SLITRK3: variants seen among roughly 807,000 people sequenced by gnomAD.
SLITRK3 encodes the protein SLIT and NTRK like family member 3, also known as SLIT and NTRK-like protein 3.
SLITRK3 carries 16 observed loss-of-function variants against 63.6 expected under a neutral mutation model. That is an observed-to-expected ratio of 0.25 (90% confidence interval 0.17 to 0.38). The LOEUF (loss-of-function observed/expected upper bound fraction) is 0.38. SLITRK3 is among the 10% of genes least tolerant of loss of function. The pLI is 1.00. For synonymous variants in SLITRK3, 547 were observed against 451.6 expected (o/e 1.21, Z -2.68); for missense variants, 1,117 against 1,181.4 (o/e 0.95, Z 0.80).
chr3:165,188,017 C>G lies in SLITRK3; in HGVS notation c.2814G>C (p.Ser938=). Residue 938 remains serine (S), a synonymous_variant, in exon 2 of 2, where the codon TCG becomes TCC. Transcript: ENST00000475390. ...DARLKETLLF[S]AGKGFTDHQT... is the part of the protein sequence containing the mutation. Reference sequence around the variant, plus strand: ...GGTGGTCTGTGAAGCCCTTTCCAGCCGAGAAGAGAAGGGTTTCTTTGAGCC... The same window carrying G: ...GGTGGTCTGTGAAGCCCTTTCCAGCGGAGAAGAGAAGGGTTTCTTTGAGCC... 6.2e-7 allele frequency: 1 copy of G among 1,613,870 alleles called. No homozygotes were observed. The highest frequency in any genetic ancestry group is 2.2e-5 in the East Asian group (1 of 44,858).
Position 165,188,885 on chromosome 3 carries a change from C to T in SLITRK3, c.1946G>A (p.Gly649Asp), listed in dbSNP as rs775428172. 2.5e-6 allele frequency: 4 copies of T among 1,614,074 alleles called. No homozygotes were observed. Among genetic ancestry groups the T allele is most frequent in the Non-Finnish European group, 3.4e-6 (4 of 1,179,996 alleles). The change falls in exon 2 of 2, where the codon GGC (glycine) becomes GAC (aspartate). Residue 649 changes from glycine to aspartate, a missense_variant. Gly to Asp is a moderately conservative substitution (Grantham distance 94). Around this residue, in one of 4 missense-constraint regions of SLITRK3, gnomAD observed 499 missense variants for 463.6 expected, o/e 1.08. Coordinates refer to ENST00000475390, the MANE Select transcript of SLITRK3 (RefSeq NM_001318810.2). Reference sequence around the variant, plus strand: ...AATTAACACAGAAAGTGGCACAGGGCCCCCAGGAGGAGAAAACTCATAAGG... The same window carrying T: ...AATTAACACAGAAAGTGGCACAGGGTCCCCAGGAGGAGAAAACTCATAAGG... ...ASPYEFSPPG[G>D]PVPLSVLILS...
Position 165,188,347 on chromosome 3 carries a change from G to A in SLITRK3, c.2484C>T (p.Asn828=), listed in dbSNP as rs775490657. Residue 828 remains asparagine (N), a synonymous_variant, in exon 2 of 2, where the codon AAC becomes AAT. Coordinates refer to ENST00000475390, the MANE Select transcript of SLITRK3 (RefSeq NM_001318810.2). ...GATGGTGATTCACCGTCACTATGGT[G>A]TTAAGCTGGGAGCTGGACACTGCTA... The part of the protein sequence containing the change: ...WALAVSSSQL[N]TIVTVNHHHP... 8.7e-6 allele frequency: 14 copies of A among 1,614,022 alleles called. No homozygotes were observed. The South Asian group carries it at 1.5e-4, about 18-fold the overall frequency.
intron 1 of SLITRK3, among the ~76,000 whole-genome samples, chr3:165,191,852 G>C (rs1473498596): frequency 6.6e-6 from 1 of 152,164 alleles, no homozygotes; most frequent in Non-Finnish European, 1.5e-5. Flanking sequence ...CTTACCTGCT[G>C]ATAAATGATC....
chr3:165,189,379 G>A lies in SLITRK3; in HGVS notation c.1452C>T (p.Tyr484=). Residue 484 remains tyrosine (Y), a synonymous_variant, in exon 2 of 2, where the codon TAC becomes TAT. Transcript: ENST00000475390. The surrounding 1 kb of genome is among the most constrained non-coding windows in gnomAD (Gnocchi z 4.0). ...GGATGACATTGAACTCAAAGTACAAGTAGTGCAAACTCTGTAGGCCTCGGA... is the reference window on the plus strand; with the variant it reads ...GGATGACATTGAACTCAAAGTACAAATAGTGCAAACTCTGTAGGCCTCGGA... ...GMFRGLQSLH[Y]LYFEFNVIRE... 6.2e-7 allele frequency: 1 copy of A among 1,614,090 alleles called. No individual in the cohort carries two copies.
At chr3:165,195,285 C>T (rs1363428513) in intron 1 of SLITRK3, among the ~76,000 whole-genome samples, 1 of 152,120 alleles carries the variant, frequency 6.6e-6, no homozygotes, top group East Asian at 1.9e-4. Context: ...ACAACACCAG[C>T]GAGCATTCCA....
At position 165,187,412 on chromosome 3, in the gene SLITRK3, T is replaced by A. The variant is rs1717993078; in HGVS notation, c.*485A>T. 6.8e-6 allele frequency: 1 copy of A among 146,358 alleles called. No homozygotes were observed. Among genetic ancestry groups the A allele is most frequent in the Non-Finnish European group, 1.5e-5 (1 of 66,640 alleles). 9.1% of individuals were successfully genotyped at this position (146,358 alleles called of 1,614,324 possible). ...GGCATGCAGCAAACTGCATTGTTAA[T>A]ACATGTACAGAATCTGTGCCATGAT... On this transcript the variant is annotated 3_prime_UTR_variant, in exon 2 of 2. Coordinates refer to ENST00000475390, the MANE Select transcript of SLITRK3 (RefSeq NM_001318810.2).
At chr3:165,193,654 G>A (rs1055556588) in intron 1 of SLITRK3, among the ~76,000 whole-genome samples, 4 of 152,040 alleles carry the variant, frequency 2.6e-5, no homozygotes, top group African/African-American at 9.7e-5. Flanking sequence ...GGATTCAACA[G>A]CATTTCTTTT....
chr3:165,196,346 G>C lies in SLITRK3; in HGVS notation c.-788C>G, dbSNP rs1268789502. On this transcript the variant is annotated 5_prime_UTR_variant, in exon 1 of 2. Coordinates refer to ENST00000475390, the MANE Select transcript of SLITRK3 (RefSeq NM_001318810.2). ...ATTTGGGAGATCTCAGGCAAAGCAC[G>C]AAGGTGAAGCGATACCGTTGGCAGA... Among the ~76,000 whole-genome samples, 3 of 150,656 alleles carry C rather than the reference G, an allele frequency of 2.0e-5. No homozygotes were observed. Among genetic ancestry groups the C allele is most frequent in the African/African-American group, 7.3e-5 (3 of 41,016 alleles).
At position 165,187,875 on chromosome 3, in the gene SLITRK3, C is replaced by A; in HGVS notation, c.*22G>T. On this transcript the variant is annotated 3_prime_UTR_variant, in exon 2 of 2. Transcript: ENST00000475390. ...CTTTTCTTTTGAAAAAAAAAAAGCACTAATATATTTTCTTCTCTCTGTTAG... is the reference window on the plus strand; with the variant it reads ...CTTTTCTTTTGAAAAAAAAAAAGCAATAATATATTTTCTTCTCTCTGTTAG... The A allele has an allele frequency of 6.6e-7, 1 of 1,521,974 alleles. No individual in the cohort carries two copies. The highest frequency in any genetic ancestry group is 8.9e-7 in the Non-Finnish European group (1 of 1,127,040). The allele number at this position is 1,521,974 out of a possible 1,614,324, so 94.3% of individuals were successfully genotyped here. A position where few individuals can be genotyped will look rare whatever the true frequency, so the allele number is the denominator to read the frequency against.
In SLITRK3 at chr3:165,190,686, A is replaced by G; in HGVS notation, c.145T>C (p.Tyr49His). The change falls in exon 2 of 2, where the codon TAC becomes CAC. Residue 49 changes from tyrosine (Y) to histidine (H), a missense_variant. Physicochemically the swap from Tyr to His is moderately conservative, Grantham distance 83 (BLOSUM62 2). This residue lies in a region of SLITRK3 where 452 missense variants were observed against 495.3 expected (regional missense o/e 0.91). Coordinates refer to ENST00000475390, the MANE Select transcript of SLITRK3 (RefSeq NM_001318810.2). ...EIDEPCFDPC[Y>H]CEVKESLFHI... is the part of the protein sequence containing the mutation. Reference sequence around the variant, plus strand: ...AAGAGGCTTTCTTTAACTTCACAGTAGCATGGATCAAAACAGGGCTCATCT... The same window carrying G: ...AAGAGGCTTTCTTTAACTTCACAGTGGCATGGATCAAAACAGGGCTCATCT... The G allele has an allele frequency of 6.2e-7, 1 of 1,614,162 alleles. No individual in the cohort carries two copies. Among genetic ancestry groups the G allele is most frequent in the Non-Finnish European group, 8.5e-7 (1 of 1,180,026 alleles).
Position 165,189,544 on chromosome 3 carries a change from C to A in SLITRK3, c.1287G>T (p.Trp429Cys). The change falls in exon 2 of 2, where the codon TGG becomes TGT. Residue 429 changes from tryptophan (W) to cysteine (C), a missense_variant. Physicochemically the swap from Trp to Cys is radical, Grantham distance 215 (BLOSUM62 -2). Transcript: ENST00000475390. This position sits in a 1 kb window ranked among gnomAD's most constrained non-coding sequence, Gnocchi z 4.0. ...LIQKIYRSDF[W>C]NFSSLDLLHL... ...GCAAGAGATCCAAGGAAGAAAAATT[C>A]CAAAAATCAGAACGGTATATTTTCT... 1.9e-6 allele frequency: 3 copies of A among 1,613,942 alleles called. No individual in the cohort carries two copies. The highest frequency in any genetic ancestry group is 2.5e-6 in the Non-Finnish European group (3 of 1,180,006).
In SLITRK3 at chr3:165,189,130, G is replaced by A. The variant is rs1718084711; in HGVS notation, c.1701C>T (p.Thr567=). 5.0e-6 allele frequency: 8 copies of A among 1,614,076 alleles called. No homozygotes were observed. The South Asian group carries it at 7.7e-5, about 16-fold the overall frequency. Residue 567 remains threonine, a synonymous_variant, in exon 2 of 2, where the codon ACC becomes ACT. Transcript: ENST00000475390. The surrounding 1 kb of genome is among the most constrained non-coding windows in gnomAD (Gnocchi z 4.0). ...ACTGTTTAAAGGGGACCAGGTCACA[G>A]GTGCAGTCCCAAGGATTCTCATTGA... is the stretch of plus-strand genomic sequence containing the variant. The part of the protein sequence containing the change: ...IDLNENPWDC[T]CDLVPFKQWI...
chr3:165,191,771 G>T (rs1347638317), intron 1 of SLITRK3, among the ~76,000 whole-genome samples: 1 of 152,184 alleles, frequency 6.6e-6, no homozygotes, highest in South Asian at 2.1e-4. Flanking sequence ...CCTGTAAAAA[G>T]CTGGAAGAGC....
chr3:165,189,052 G>A lies in SLITRK3; in HGVS notation c.1779C>T (p.Ser593=). 6.2e-7 allele frequency: 1 copy of A among 1,614,156 alleles called. No homozygotes were observed. Among genetic ancestry groups the A allele is most frequent in the Non-Finnish European group, 8.5e-7 (1 of 1,180,042 alleles). ...VSVVGDVLCR[S]PENLTHRDVR... ...CATCACGGTGCGTGAGGTTCTCAGG[G>A]CTCCTGCAAAGCACATCACCAACCA... The change falls in exon 2 of 2, where the codon AGC becomes AGT. Residue 593 remains serine (S), a synonymous_variant. Transcript: ENST00000475390. The surrounding 1 kb of genome is among the most constrained non-coding windows in gnomAD (Gnocchi z 4.0).
In SLITRK3 at chr3:165,190,196, A is replaced by G; in HGVS notation, c.635T>C (p.Phe212Ser). 1 of 1,614,158 alleles carries G rather than the reference A, an allele frequency of 6.2e-7. No individual in the cohort carries two copies. The highest frequency in any genetic ancestry group is 8.5e-7 in the Non-Finnish European group (1 of 1,180,030). The stretch of plus-strand genomic sequence containing the variant: ...AATGTGATCTAGCATTCCTCGGTAA[A>G]AAAGAACCTTTAACCTATTTCCACG... ...DLRGNRLKVLFYRGMLDHIGR... is the reference protein window; with the variant it reads ...DLRGNRLKVLSYRGMLDHIGR... Residue 212 changes from phenylalanine to serine, a missense_variant, in exon 2 of 2, where the codon TTT becomes TCT. By Grantham distance (155) the Phe-to-Ser change is radical. This residue lies in a region of SLITRK3 where 452 missense variants were observed against 495.3 expected (regional missense o/e 0.91). Transcript: ENST00000475390.
At position 165,190,820 on chromosome 3, in the gene SLITRK3, G is replaced by A. The variant is rs777122535; in HGVS notation, c.11C>T (p.Ser4Phe). Residue 4 changes from serine to phenylalanine, a missense_variant, in exon 2 of 2, where the codon TCC (serine) becomes TTC (phenylalanine). Physicochemically the swap from Ser to Phe is radical, Grantham distance 155. Transcript: ENST00000475390. Reference sequence around the variant, plus strand: ...TCCTCTGTGAAGCATCTCAGCTATGGAAGGTTTCATCGTTCGTGGTTGATT... The same window carrying A: ...TCCTCTGTGAAGCATCTCAGCTATGAAAGGTTTCATCGTTCGTGGTTGATT... MKPSIAEMLHRGRM... is the reference protein window; with the variant it reads MKPFIAEMLHRGRM... 2 of 1,580,428 alleles carry A rather than the reference G, an allele frequency of 1.3e-6. No homozygotes were observed. Among genetic ancestry groups the A allele is most frequent in the Non-Finnish European group, 1.7e-6 (2 of 1,165,256 alleles).
Position 165,190,633 on chromosome 3 carries a change from A to C in SLITRK3, c.198T>G (p.Phe66Leu). 1.2e-5 allele frequency: 20 copies of C among 1,613,994 alleles called. No individual in the cohort carries two copies. Among genetic ancestry groups the C allele is most frequent in the Non-Finnish European group, 1.6e-5 (19 of 1,179,926 alleles). Residue 66 changes from phenylalanine (F) to leucine (L), a missense_variant, in exon 2 of 2, where the codon TTT becomes TTG. By Grantham distance (22) the Phe-to-Leu change is conservative. Transcript: ENST00000475390. ...ACTCGGTAATCTGACTAATATTTGT[A>C]AATCCTTTACTGTCACAATGTATAT... ...LFHIHCDSKG[F>L]TNISQITEFW...
chr3:165,190,877 T>G, intron 1 of SLITRK3, 26 bp from the exon 2 acceptor site: 1 of 1,486,304 alleles, frequency 6.7e-7, no homozygotes, highest in Non-Finnish European at 9.0e-7. Context: ...AAATGCAGAT[T>G]TTTAGCTTTT....
At chr3:165,196,897 G>GTCTCTCTGTCTCTCTCTCTCTCTCTC (rs1718450537), upstream of SLITRK3, 1 of 96,474 alleles carries the variant, frequency 1.0e-5, no homozygotes, top group East Asian at 3.8e-4. Context: ...CTCTCTCTCT[G>GTCTCTCTGTCTCTCTCTCTCTCTCTC]TCTCTCTCTC....
Sources: allele counts gnomAD v4.1 joint callset (sites outside exome capture counted in the v4.1 genomes callset), GRCh38; gene constraint gnomAD v4.1.1; regional missense constraint gnomAD v4.1.1; non-coding constraint Gnocchi (gnomAD v3.1); transcripts MANE v1.5; gene names NCBI Gene and HGNC (gene_info 2026-07-23, HGNC 2026-07-21).